Variants in AP5Z1 observed in about 807,000 individuals in gnomAD.
AP5Z1 encodes the protein AP-5 complex subunit zeta-1.
AP5Z1 carries 106 observed loss-of-function variants against 83.0 expected under a neutral mutation model. The ratio of observed to expected loss-of-function variants is 1.28; its 90% CI spans 1.09 to 1.50. AP5Z1 has a LOEUF of 1.50. Ranked by LOEUF, AP5Z1 falls within the 40% of genes most tolerant of loss-of-function variation. The probability of loss-of-function intolerance (pLI) is 0.00; values close to 1 mark genes in which losing one functional copy is unlikely to be tolerated. For synonymous variants in AP5Z1, 751 were observed against 514.1 expected (o/e 1.46, Z -6.23); for missense variants, 1,565 against 1,094.2 (o/e 1.43, Z -6.07).
At chr7:4,782,656 A>C (rs1397340830) in intron 3 of AP5Z1, among the ~76,000 whole-genome samples, 1 of 152,066 alleles carries the variant, frequency 6.6e-6, no homozygotes, top group African/African-American at 2.4e-5. Flanking sequence ...CTCACCTCAC[A>C]GACCTCCTGC....
chr7:4,786,558 G>A, intron 10 of AP5Z1, 130 bp downstream of exon 10: 1 of 1,068,122 alleles, frequency 9.4e-7, no homozygotes, highest in Non-Finnish European at 1.4e-6. Flanking sequence ...GGCCTGGAAT[G>A]CGGTGTGCAG....
Position 4,792,219 on chromosome 7 carries a change from G to A in AP5Z1, c.*834G>A, listed in dbSNP as rs1320813938. On this transcript the variant is annotated 3_prime_UTR_variant, in exon 17 of 17. Coordinates refer to ENST00000649063, the MANE Select transcript of AP5Z1 (RefSeq NM_014855.3). ...CTACCAAGGCACAGCTGTGTCGCACGTTCCGCCCGGTGCCTGGGACGGGCT... is the reference window on the plus strand; with the variant it reads ...CTACCAAGGCACAGCTGTGTCGCACATTCCGCCCGGTGCCTGGGACGGGCT... 6.6e-6 allele frequency: 1 copy of A among 152,196 alleles called. No homozygotes were observed. The highest frequency in any genetic ancestry group is 2.4e-5 in the African/African-American group (1 of 41,432). The allele number at this position is 152,196 out of a possible 1,614,324, so 9.4% of individuals were successfully genotyped here.
chr7:4,791,013 C>G (rs551580111), intron 16 of AP5Z1, 102 bp from the exon 17 acceptor site: 293 of 1,469,016 alleles, frequency 2.0e-4, no homozygotes, highest in South Asian at 2.4e-4. Flanking sequence ...CCCTGCTGAG[C>G]TAAAGCCACT....
At position 4,781,608 on chromosome 7, in the gene AP5Z1, G is replaced by C; in HGVS notation, c.220G>C (p.Gly74Arg). Residue 74 changes from glycine (G) to arginine (R), a missense_variant, in exon 3 of 17, where the codon GGC (glycine) becomes CGC (arginine). Physicochemically the swap from Gly to Arg is moderately radical, Grantham distance 125 (BLOSUM62 -2). Coordinates refer to ENST00000649063, the MANE Select transcript of AP5Z1 (RefSeq NM_014855.3). Reference sequence around the variant, plus strand: ...CGTAGACCTGCTGCAGGCCACCCTCGGCCTGCCTGCATGCCCCGAGCAGCT... The same window carrying C: ...CGTAGACCTGCTGCAGGCCACCCTCCGCCTGCCTGCATGCCCCGAGCAGCT... The part of the protein sequence containing the change: ...TCVDLLQATL[G>R]LPACPEQLQV... 6.2e-7 allele frequency: 1 copy of C among 1,610,050 alleles called. No homozygotes were observed.
intron 1 of AP5Z1, among the ~76,000 whole-genome samples, chr7:4,778,406 C>A (rs957502436): frequency 2.6e-5 from 4 of 152,132 alleles, no homozygotes; most frequent in Non-Finnish European, 5.9e-5. Flanking sequence ...TCGGGGATTT[C>A]CAGGAGGAAG....
At chr7:4,791,093 C>A in intron 16 of AP5Z1, 22 bp from the exon 17 acceptor site, 2 of 1,552,546 alleles carry the variant, frequency 1.3e-6, no homozygotes, top group Non-Finnish European at 1.7e-6. Context: ...CTGCAGCTGA[C>A]GGAGGGACCT....
At chr7:4,787,131 A>T (rs981798715) in intron 10 of AP5Z1, among the ~76,000 whole-genome samples, 1 of 152,026 alleles carries the variant, frequency 6.6e-6, no homozygotes, top group South Asian at 2.1e-4. Flanking sequence ...GGTCTTTTCA[A>T]CTGAGGTGGG....
At position 4,784,347 on chromosome 7, in the gene AP5Z1, G is replaced by A. The variant is rs1254332461; in HGVS notation, c.766G>A (p.Glu256Lys). ...GGCGTGGCTGCTGCACAGCGGCCCC[G>A]AGGGCCCGGGCACCCTGGACACAGG... ...LRAWLLHSGPEGPGTLDTDDR... is the reference protein window; with the variant it reads ...LRAWLLHSGPKGPGTLDTDDR... The change falls in exon 6 of 17, where the codon GAG becomes AAG. Residue 256 changes from glutamate to lysine, a missense_variant. Coordinates refer to ENST00000649063, the MANE Select transcript of AP5Z1 (RefSeq NM_014855.3). The A allele has an allele frequency of 2.6e-5, 42 of 1,597,538 alleles. No homozygotes were observed. Among genetic ancestry groups the A allele is most frequent in the Admixed American group, 1.0e-4 (6 of 57,664 alleles).
Position 4,786,371 on chromosome 7 carries a change from C to T in AP5Z1, c.1254C>T (p.Leu418=), listed in dbSNP as rs763868444. The T allele has an allele frequency of 1.2e-6, 2 of 1,613,936 alleles. No individual in the cohort carries two copies. Among genetic ancestry groups the T allele is most frequent in the South Asian group, 1.1e-5 (1 of 91,084 alleles). Residue 418 remains leucine, a synonymous_variant, in exon 10 of 17, where the codon CTC becomes CTT. Transcript: ENST00000649063. ...FEFIQFCRDN[L]HLFSGHLSTL... ...TCATCCAGTTCTGCAGGGACAACCT[C>T]CACCTGTTCAGCGGGCACCTCAGCA... is the stretch of plus-strand genomic sequence containing the variant.
At chr7:4,779,741 A>G (rs1400827278) in intron 1 of AP5Z1, among the ~76,000 whole-genome samples, 1 of 151,898 alleles carries the variant, frequency 6.6e-6, no homozygotes, top group Non-Finnish European at 1.5e-5. Context: ...CCCGGGTTCA[A>G]GTGATTCTCC....
chr7:4,778,892 A>G (rs1460351139), intron 1 of AP5Z1, among the ~76,000 whole-genome samples: 1 of 145,966 alleles, frequency 6.9e-6, no homozygotes, highest in East Asian at 2.0e-4. Flanking sequence ...AGAATAAAAA[A>G]AATTCACTGG....
Position 4,790,580 on chromosome 7 carries a change from G to A in AP5Z1, c.1927G>A (p.Val643Ile), listed in dbSNP as rs770398545. 12 of 1,612,998 alleles carry A rather than the reference G, an allele frequency of 7.4e-6. No homozygotes were observed. Among genetic ancestry groups the A allele is most frequent in the East Asian group, 6.7e-5 (3 of 44,872 alleles). The stretch of plus-strand genomic sequence containing the variant: ...TGGTCTCTGCAGCAGGGCGAGCCTC[G>A]TCACCAGCGTGGTAAGGCGGGCGCT... ...VNGLCSRASL[V>I]TSVVWAIGEY... The change falls in exon 15 of 17, where the codon GTC (valine) becomes ATC (isoleucine). Residue 643 changes from valine to isoleucine, a missense_variant. Val to Ile is a conservative substitution (Grantham distance 29, BLOSUM62 3). Coordinates refer to ENST00000649063, the MANE Select transcript of AP5Z1 (RefSeq NM_014855.3).
chr7:4,788,491 C>T, intron 12 of AP5Z1, 197 bp downstream of exon 12: 1 of 666,098 alleles, frequency 1.5e-6, no homozygotes, highest in Non-Finnish European at 2.4e-6. Flanking sequence ...CTGGTCTCAG[C>T]TCTCTCTGCT....
At chr7:4,790,280 G>C in intron 14 of AP5Z1, 179 bp from the exon 15 acceptor site, 1 of 1,544,148 alleles carries the variant, frequency 6.5e-7, no homozygotes, top group Middle Eastern at 1.7e-4. Flanking sequence ...GCTGGTGCCA[G>C]CCTTCTCCCC....
At chr7:4,788,004 A>G in intron 11 of AP5Z1, 150 bp from the exon 12 acceptor site, 5 of 1,309,142 alleles carry the variant, frequency 3.8e-6, no homozygotes, top group Non-Finnish European at 5.1e-6. Context: ...ACCCGTCTTC[A>G]CGCCCAGGCC....
chr7:4,781,938 A>G (rs1238831522), intron 3 of AP5Z1, among the ~76,000 whole-genome samples, 184 bp downstream of exon 3: 1 of 152,238 alleles, frequency 6.6e-6, no homozygotes, highest in Non-Finnish European at 1.5e-5. Context: ...TCCCATGCCC[A>G]GCAGGCCCAC....
rs1172132169 is a variant in AP5Z1 at position 4,785,757 on chromosome 7, TC to T, written c.1132+76del. 2.7e-5 allele frequency: 36 copies of T among 1,315,704 alleles called. No individual in the cohort carries two copies. In the African/African-American group the frequency reaches 5.2e-4, roughly 19 times the overall value. 81.5% of individuals were successfully genotyped at this position (1,315,704 alleles called of 1,614,324 possible). A position where few individuals can be genotyped will look rare whatever the true frequency, so the allele number is the denominator to read the frequency against. Reference sequence around the variant, plus strand: ...TTAGTTTTAGGATGGAATTTCTTCTTCCCTTTTTTTTTTTTTTTTTTTTGAT... The same window carrying T: ...TTAGTTTTAGGATGGAATTTCTTCTTCCTTTTTTTTTTTTTTTTTTTTGAT... On this transcript the variant is annotated intron_variant, in intron 9 of 16. Transcript: ENST00000649063.
intron 6 of AP5Z1, 28 bp from the exon 7 acceptor site, chr7:4,784,880 G>C: frequency 6.3e-7 from 1 of 1,599,770 alleles, no homozygotes; most frequent in Non-Finnish European, 8.5e-7. Flanking sequence ...CCACACGTCA[G>C]CCTGCTGAGA....
rs375090264 is a variant in AP5Z1 at position 4,791,303 on chromosome 7, G to A, written c.2342G>A (p.Arg781His). ...STEVCSPRYH[R>H]DANTALPLAL... ...GAGGTGTGCAGCCCCCGCTATCACC[G>A]CGATGCCAACACGGCCCTGCCCCTG... is the stretch of plus-strand genomic sequence containing the variant. Residue 781 changes from arginine (R) to histidine (H), a missense_variant, in exon 17 of 17, where the codon CGC becomes CAC. By Grantham distance (29) the Arg-to-His change is conservative. Transcript: ENST00000649063. 43 of 1,612,170 alleles carry A rather than the reference G, an allele frequency of 2.7e-5. No homozygotes were observed. The African/African-American group carries it at 3.1e-4, about 12-fold the overall frequency.
Sources: allele counts gnomAD v4.1 joint callset (sites outside exome capture counted in the v4.1 genomes callset), GRCh38; gene constraint gnomAD v4.1.1; transcripts MANE v1.5; gene names NCBI Gene and HGNC (gene_info 2026-07-23, HGNC 2026-07-21).